Variants in RAMP1 observed in about 807,000 individuals in gnomAD.
The protein encoded by RAMP1 is receptor activity modifying protein 1, also known as receptor activity-modifying protein 1.
A neutral mutation model predicts 8.2 loss-of-function variants in RAMP1; 7 were observed. The observed-to-expected ratio is 0.85, with a 90% CI of 0.49 to 1.60. RAMP1 has a LOEUF of 1.60. Ranked by LOEUF, RAMP1 falls within the 40% of genes most tolerant of loss-of-function variation. The pLI is 0.00. For synonymous variants in RAMP1, 92 were observed against 84.7 expected (o/e 1.09, Z -0.47); for missense variants, 192 against 202.4 (o/e 0.95, Z 0.31).
chr2:237,861,967 G>A (rs934861578), intron 1 of RAMP1, among the ~76,000 whole-genome samples: 1 of 152,094 alleles, frequency 6.6e-6, no homozygotes, highest in Non-Finnish European at 1.5e-5. Flanking sequence ...TATAGACACC[G>A]AAAAGCTGTT....
chr2:237,894,654 G>A (rs572685955), intron 2 of RAMP1, among the ~76,000 whole-genome samples: 86 of 152,294 alleles, frequency 5.6e-4, no homozygotes, highest in Middle Eastern at 6.8e-3. Context: ...GAGGCTCTAT[G>A]GGTCCCCACC....
intron 2 of RAMP1, among the ~76,000 whole-genome samples, chr2:237,884,153 G>A (rs1172535779): frequency 6.6e-6 from 1 of 152,076 alleles, no homozygotes; most frequent in African/African-American, 2.4e-5. Flanking sequence ...TTTCTAACAC[G>A]TGTTGGGTGT....
intron 2 of RAMP1, among the ~76,000 whole-genome samples, chr2:237,910,776 CAAAA>C (rs905402347): frequency 5.9e-5 from 9 of 151,332 alleles, no homozygotes; most frequent in African/African-American, 2.2e-4. Flanking sequence ...CAGTCACACA[CAAAA>C]TAACAGTCAC....
At chr2:237,892,286 T>C (rs2062494982) in intron 2 of RAMP1, among the ~76,000 whole-genome samples, 1 of 149,954 alleles carries the variant, frequency 6.7e-6, no homozygotes, top group South Asian at 2.1e-4. Context: ...CTTTTTTTTT[T>C]TTTTTTTTTT....
Position 237,910,103 on chromosome 2 carries a change from C to T in RAMP1, c.192-1425C>T, listed in dbSNP as rs181166538. On this transcript the variant is annotated intron_variant, in intron 2 of 2. Coordinates refer to ENST00000254661, the MANE Select transcript of RAMP1 (RefSeq NM_005855.4). Reference sequence around the variant, plus strand: ...GCCGTGGCAGGATAGGGTCAGAGGCCCTGTGGTGAAGTCCATATGGGGTCA... The same window carrying T: ...GCCGTGGCAGGATAGGGTCAGAGGCTCTGTGGTGAAGTCCATATGGGGTCA... 1.7e-3 allele frequency among the ~76,000 whole-genome samples: 256 copies of T among 152,172 alleles called. 1 individual carries two copies. Among genetic ancestry groups the T allele is most frequent in the African/African-American group, 5.9e-3 (244 of 41,492 alleles).
At chr2:237,888,156 C>T (rs890845440) in intron 2 of RAMP1, among the ~76,000 whole-genome samples, 10 of 152,006 alleles carry the variant, frequency 6.6e-5, no homozygotes, top group South Asian at 4.2e-4. Flanking sequence ...TGGGTTCAAG[C>T]GATTCTCCTG....
At chr2:237,901,923 C>T (rs1417986659) in intron 2 of RAMP1, among the ~76,000 whole-genome samples, 1 of 152,044 alleles carries the variant, frequency 6.6e-6, no homozygotes, top group Non-Finnish European at 1.5e-5. Flanking sequence ...CAGGACGAGT[C>T]ACTTCTGCCC....
intron 1 of RAMP1, among the ~76,000 whole-genome samples, chr2:237,868,046 C>CTT (rs796880429): frequency 2.1e-4 from 29 of 137,120 alleles, no homozygotes; most frequent in African/African-American, 6.4e-4. Flanking sequence ...GGTTTTCTGT[C>CTT]TTTTTTTTTT....
chr2:237,886,774 C>T (rs1329549649), intron 2 of RAMP1, among the ~76,000 whole-genome samples: 2 of 152,266 alleles, frequency 1.3e-5, no homozygotes, highest in African/African-American at 4.8e-5. Context: ...GGTTTCACAT[C>T]CTCCTGAGTA....
chr2:237,899,231 C>T (rs2062574760), intron 2 of RAMP1, among the ~76,000 whole-genome samples: 1 of 152,170 alleles, frequency 6.6e-6, no homozygotes, highest in African/African-American at 2.4e-5. Context: ...CTGCCACACC[C>T]AGCTAATTTT....
chr2:237,883,279 G>T (rs57748611), intron 2 of RAMP1, among the ~76,000 whole-genome samples: 1 of 152,088 alleles, frequency 6.6e-6, no homozygotes, highest in Non-Finnish European at 1.5e-5. Context: ...GAAATCAGAG[G>T]TCTCATTTAA....
At chr2:237,884,851 C>T (rs1442834666) in intron 2 of RAMP1, among the ~76,000 whole-genome samples, 1 of 152,244 alleles carries the variant, frequency 6.6e-6, no homozygotes, top group African/African-American at 2.4e-5. Context: ...CCTGCCGACC[C>T]CATGCTGGGC....
chr2:237,909,171 T>C (rs1238166428), intron 2 of RAMP1, among the ~76,000 whole-genome samples: 3 of 152,036 alleles, frequency 2.0e-5, no homozygotes, highest in African/African-American at 7.3e-5. Context: ...CAAGGAAGTG[T>C]CCAAGCTGTG....
intron 2 of RAMP1, among the ~76,000 whole-genome samples, chr2:237,906,598 G>A (rs1381325307): frequency 6.6e-6 from 1 of 151,650 alleles, no homozygotes; most frequent in Non-Finnish European, 1.5e-5. Context: ...ATCTATTTAT[G>A]TGGATCTCAA....
At chr2:237,885,292 C>G (rs986282034) in intron 2 of RAMP1, among the ~76,000 whole-genome samples, 1 of 152,190 alleles carries the variant, frequency 6.6e-6, no homozygotes, top group Non-Finnish European at 1.5e-5. Flanking sequence ...TCGACCCCCA[C>G]GAGGTCTCGG....
At chr2:237,890,871 C>T (rs2062480998) in intron 2 of RAMP1, among the ~76,000 whole-genome samples, 1 of 152,052 alleles carries the variant, frequency 6.6e-6, no homozygotes, top group African/African-American at 2.4e-5. Flanking sequence ...TTTAATGAAC[C>T]GCACATGCCC....
rs769806274 is a variant in RAMP1, at chr2:237,911,604, G to C, written c.268G>C (p.Asp90His). The change falls in exon 3 of 3, where the codon GAC (aspartate) becomes CAC (histidine). Residue 90 changes from aspartate to histidine, a missense_variant. By Grantham distance (81) the Asp-to-His change is moderately conservative. Transcript: ENST00000254661. ...LGCFWPNAEV[D>H]RFFLAVHGRY... ...CTGCTTCTGGCCCAATGCAGAGGTG[G>C]ACAGGTTCTTCCTGGCAGTGCATGG... is the stretch of plus-strand genomic sequence containing the variant. 1.2e-6 allele frequency: 2 copies of C among 1,614,162 alleles called. No homozygotes were observed. The highest frequency in any genetic ancestry group is 1.7e-6 in the Non-Finnish European group (2 of 1,180,018).
chr2:237,871,408 G>T (rs983874297), intron 1 of RAMP1, among the ~76,000 whole-genome samples: 3 of 152,194 alleles, frequency 2.0e-5, no homozygotes, highest in Non-Finnish European at 4.4e-5. Context: ...GACACCTCAC[G>T]CAGGCACTCG....
chr2:237,907,752 A>G (rs1054706383), intron 2 of RAMP1, among the ~76,000 whole-genome samples: 9 of 152,196 alleles, frequency 5.9e-5, no homozygotes, highest in African/African-American at 2.2e-4. Context: ...CCATTCTAAC[A>G]TAACTGTCTG....
Sources: gnomAD v4.1 joint callset for allele counts (sites outside exome capture counted in the v4.1 genomes callset) on GRCh38, gnomAD v4.1.1 for gene constraint, MANE v1.5 for transcripts, NCBI Gene and HGNC (gene_info 2026-07-23, HGNC 2026-07-21) for gene names.